DNAJB4: variants seen among roughly 807,000 people sequenced by gnomAD.
DNAJB4 encodes the protein DnaJ heat shock protein family (Hsp40) member B4.
Under a neutral mutation model 26.6 loss-of-function variants are expected in DNAJB4, and 10 were observed. The observed-to-expected ratio is 0.38, with a 90% CI of 0.23 to 0.64. The LOEUF is 0.64. Ranked by LOEUF, DNAJB4 falls within the 30% of genes least tolerant of loss-of-function variation. DNAJB4 has a pLI of 0.58. For synonymous variants in DNAJB4, 136 were observed against 134.8 expected (o/e 1.01, Z -0.06); for missense variants, 328 against 408.2 (o/e 0.80, Z 1.69).
intron 1 of DNAJB4, among the ~76,000 whole-genome samples, chr1:78,012,798 G>A (rs532826034): frequency 3.8e-5 from 5 of 130,160 alleles, no homozygotes; most frequent in Admixed American, 8.1e-5. Flanking sequence ...AAACAAGAGC[G>A]AAACTCTGTC....
At position 78,013,522 on chromosome 1, in the gene DNAJB4, C is replaced by G; in HGVS notation, c.683C>G (p.Pro228Arg). The G allele has an allele frequency of 6.2e-7, 1 of 1,613,726 alleles. No homozygotes were observed. The highest frequency in any genetic ancestry group is 8.5e-7 in the Non-Finnish European group (1 of 1,179,978). Residue 228 changes from proline (P) to arginine (R), a missense_variant, in exon 2 of 3, where the codon CCA becomes CGA. Transcript: ENST00000370763. ...GGAGATGAAACACCAAATAGTATTC[C>G]AGCAGACATTGTTTTTATCATTAAA... ...REGDETPNSI[P>R]ADIVFIIKDK...
chr1:78,010,240 G>A (rs1660433991), intron 1 of DNAJB4, among the ~76,000 whole-genome samples: 1 of 152,008 alleles, frequency 6.6e-6, no homozygotes, highest in Non-Finnish European at 1.5e-5. Flanking sequence ...AGATTGGGCA[G>A]GCTGATTTAC....
At chr1:77,991,009 G>A (rs959248480) in intron 1 of DNAJB4, among the ~76,000 whole-genome samples, 1 of 152,212 alleles carries the variant, frequency 6.6e-6, no homozygotes, top group Non-Finnish European at 1.5e-5. Flanking sequence ...GTGTAATACA[G>A]TGGAGATATG....
chr1:77,987,525 A>G (rs1418194406), intron 1 of DNAJB4, among the ~76,000 whole-genome samples: 2 of 152,120 alleles, frequency 1.3e-5, no homozygotes, highest in African/African-American at 2.4e-5. Context: ...TTGGCCTCCC[A>G]AAGTGCTGAG....
At chr1:78,008,084 G>T (rs1489865016) in intron 1 of DNAJB4, among the ~76,000 whole-genome samples, 1 of 152,174 alleles carries the variant, frequency 6.6e-6, no homozygotes, top group Non-Finnish European at 1.5e-5. Flanking sequence ...GCTGGGTGAG[G>T]TGGCATATGC....
chr1:77,994,434 T>C (rs1223722804), intron 1 of DNAJB4, among the ~76,000 whole-genome samples: 1 of 151,880 alleles, frequency 6.6e-6, no homozygotes, highest in Non-Finnish European at 1.5e-5. Flanking sequence ...TTGAGAATTG[T>C]AAACAATTAG....
chr1:78,013,258 A>G lies in DNAJB4; in HGVS notation c.419A>G (p.Asn140Ser). 1.2e-6 allele frequency: 2 copies of G among 1,614,202 alleles called. No individual in the cohort carries two copies. Among genetic ancestry groups the G allele is most frequent in the Non-Finnish European group, 1.7e-6 (2 of 1,180,024 alleles). Residue 140 changes from asparagine to serine, a missense_variant, in exon 2 of 3, where the codon AAT becomes AGT. Transcript: ENST00000370763. ...DPFSAFGFSM[N>S]GYPRDRNSVG... ...TTTAGTGCCTTTGGTTTCAGCATGA[A>G]TGGATATCCAAGAGACAGGAATTCT... is the stretch of plus-strand genomic sequence containing the variant.
rs946630722 is a variant in DNAJB4, at chr1:78,016,019, G to A, written c.786G>A (p.Leu262=). Residue 262 remains leucine, a synonymous_variant, in exon 3 of 3, where the codon TTG becomes TTA. Coordinates refer to ENST00000370763, the MANE Select transcript of DNAJB4 (RefSeq NM_007034.5). ...TTTTATTTGGTCCATTTTAGGCATTGTGTGGCTGCTCAATTAATGTACCAA... is the reference window on the plus strand; with the variant it reads ...TTTTATTTGGTCCATTTTAGGCATTATGTGGCTGCTCAATTAATGTACCAA... The part of the protein sequence containing the change: ...YTAKISLREA[L]CGCSINVPTL... The A allele has an allele frequency of 1.9e-6, 3 of 1,613,416 alleles. No individual in the cohort carries two copies. In the African/African-American group the frequency reaches 4.0e-5, roughly 22 times the overall value.
chr1:77,990,707 T>A (rs1036638133), intron 1 of DNAJB4, among the ~76,000 whole-genome samples: 2 of 152,192 alleles, frequency 1.3e-5, no homozygotes, highest in African/African-American at 4.8e-5. Flanking sequence ...CACACCTTTG[T>A]CAATCCAGAA....
upstream of DNAJB4, chr1:77,979,512 G>A (rs35083316): frequency 6.4e-6 from 1 of 155,442 alleles, no homozygotes; most frequent in Non-Finnish European, 1.4e-5. Flanking sequence ...AGTGTCTCGA[G>A]AGCGCTGCCG....
chr1:77,993,384 G>C (rs1358083447), intron 1 of DNAJB4, among the ~76,000 whole-genome samples: 1 of 151,642 alleles, frequency 6.6e-6, no homozygotes, highest in Non-Finnish European at 1.5e-5. Flanking sequence ...GAACAATCTT[G>C]GCTCACTGAA....
intron 2 of DNAJB4, among the ~76,000 whole-genome samples, chr1:78,014,551 T>C (rs1336177805): frequency 1.3e-5 from 2 of 152,218 alleles, no homozygotes; most frequent in East Asian, 1.9e-4. Flanking sequence ...TTAAATCTGA[T>C]GTCTACCCAT....
chr1:77,990,331 A>G (rs554723993), intron 1 of DNAJB4, among the ~76,000 whole-genome samples: 1 of 152,278 alleles, frequency 6.6e-6, no homozygotes, highest in South Asian at 2.1e-4. Flanking sequence ...ACACTATAAA[A>G]TATCACTTGC....
chr1:78,016,408 G>T lies in DNAJB4; in HGVS notation c.*161G>T. On this transcript the variant is annotated 3_prime_UTR_variant, in exon 3 of 3. Transcript: ENST00000370763. ...GACGGGTCAAATAAATAGGCAAAAG[G>T]GATTTTTACAGTTAGAGATAAAAGA... The T allele has an allele frequency of 2.6e-5, 15 of 587,920 alleles. No individual in the cohort carries two copies. The highest frequency in any genetic ancestry group is 5.8e-5 in the East Asian group (2 of 34,512). 36.4% of individuals were successfully genotyped at this position (587,920 alleles called of 1,614,324 possible).
At chr1:78,015,366 A>G (rs935316526) in intron 2 of DNAJB4, among the ~76,000 whole-genome samples, 2 of 151,784 alleles carry the variant, frequency 1.3e-5, no homozygotes, top group African/African-American at 4.8e-5. Context: ...TGAATATATT[A>G]ATAGCAGCTT....
upstream of DNAJB4, among the ~76,000 whole-genome samples, chr1:78,003,338 A>T (rs182915337): frequency 1.7e-3 from 256 of 151,728 alleles, no homozygotes; most frequent in Middle Eastern, 6.8e-3. Flanking sequence ...TAAATAGCTG[A>T]CAAACCTCTG....
rs980465225 is a variant in DNAJB4, at chr1:78,017,935, T to G, written c.*1688T>G. 6.6e-6 allele frequency: 1 copy of G among 152,130 alleles called. No individual in the cohort carries two copies. The highest frequency in any genetic ancestry group is 6.6e-5 in the Admixed American group (1 of 15,266). The allele number at this position is 152,130 out of a possible 1,614,324, so 9.4% of individuals were successfully genotyped here. A position where few individuals can be genotyped will look rare whatever the true frequency, so the allele number is the denominator to read the frequency against. ...TGGGCATTTGGCTTATTTCTACTTT[T>G]TTGGCTATTATAAATAATGCTGCTG... On this transcript the variant is annotated 3_prime_UTR_variant, in exon 3 of 3. Transcript: ENST00000370763.
upstream of DNAJB4, among the ~76,000 whole-genome samples, chr1:78,001,967 A>G (rs1167618788): frequency 6.6e-6 from 1 of 152,260 alleles, no homozygotes; most frequent in African/African-American, 2.4e-5. Context: ...CTTTAGTTTT[A>G]AGGGAAAAAA....
rs1660648455 is a variant in DNAJB4, at chr1:78,016,588, T to G, written c.*341T>G. On this transcript the variant is annotated 3_prime_UTR_variant, in exon 3 of 3. Coordinates refer to ENST00000370763, the MANE Select transcript of DNAJB4 (RefSeq NM_007034.5). The stretch of plus-strand genomic sequence containing the variant: ...CTTAATTTCTTATACCTTTAGATAA[T>G]CAGTATGAAAAGTTCCCATTTATAA... The G allele has an allele frequency of 5.0e-6, 1 of 198,506 alleles. No individual in the cohort carries two copies. The highest frequency in any genetic ancestry group is 1.0e-5 in the Non-Finnish European group (1 of 98,652). 12.3% of individuals were successfully genotyped at this position (198,506 alleles called of 1,614,324 possible). A position where few individuals can be genotyped will look rare whatever the true frequency, so the allele number is the denominator to read the frequency against.
Sources: allele counts gnomAD v4.1 joint callset (sites outside exome capture counted in the v4.1 genomes callset), GRCh38; gene constraint gnomAD v4.1.1; transcripts MANE v1.5; gene names NCBI Gene and HGNC (gene_info 2026-07-23, HGNC 2026-07-21).